The following DST variants were observed in gnomAD, a reference collection of about 807,000 sequenced individuals.
The protein encoded by DST is dystonin.
A neutral mutation model predicts 875.2 loss-of-function variants in DST; 253 were observed. That is an observed-to-expected ratio of 0.29 (90% CI 0.26 to 0.32). DST has a LOEUF of 0.32. Ranked by LOEUF, DST falls within the 10% of genes least tolerant of loss-of-function variation. DST has a pLI of 1.00. For synonymous variants in DST, 3,124 were observed against 3,197.1 expected (o/e 0.98, Z 0.77); for missense variants, 8,287 against 9,111.6 (o/e 0.91, Z 3.68).
intron 9 of DST, chr6:56,692,285 CA>C: frequency 3.6e-6 from 2 of 555,836 alleles, no homozygotes; most frequent in Non-Finnish European, 5.4e-6. Context: ...CTTTTACATA[CA>C]CTAATATGAA....
chr6:56,696,263 A>G (rs1045682243), intron 9 of DST, among the ~76,000 whole-genome samples: 2 of 152,156 alleles, frequency 1.3e-5, no homozygotes, highest in Non-Finnish European at 2.9e-5. Context: ...CCTGGGTTCA[A>G]GTGATTCTCC....
At chr6:56,527,393 G>T in intron 68 of DST, 100 bp downstream of exon 68, 1 of 1,412,610 alleles carries the variant, frequency 7.1e-7, no homozygotes, top group South Asian at 1.5e-5. Context: ...GCATCCTTCA[G>T]CATATGTAAT....
intron 3 of DST, 66 bp from the exon 4 acceptor site, chr6:56,851,670 A>G (rs1765312574): frequency 1.3e-6 from 2 of 1,563,590 alleles, no homozygotes; most frequent in African/African-American, 1.4e-5. Context: ...TGATTTAAAC[A>G]TCTCCCCCAC....
chr6:56,945,498 G>A (rs1818949068), intron 2 of DST, among the ~76,000 whole-genome samples: 2 of 152,186 alleles, frequency 1.3e-5, no homozygotes, highest in Non-Finnish European at 2.9e-5. Context: ...AAAGACTGAT[G>A]ATTCAGTTTT....
At chr6:56,516,500 T>C (rs772139367) in intron 71 of DST, among the ~76,000 whole-genome samples, 1 of 152,190 alleles carries the variant, frequency 6.6e-6, no homozygotes, top group Non-Finnish European at 1.5e-5. Flanking sequence ...CATCCTATTA[T>C]TTTATCTGTG....
rs767479674 is a variant in DST, at chr6:56,609,282, T to G, written c.5346A>C (p.Gln1782His). The G allele has an allele frequency of 6.2e-7, 1 of 1,613,594 alleles. No homozygotes were observed. Among genetic ancestry groups the G allele is most frequent in the Admixed American group, 1.7e-5 (1 of 59,984 alleles). Residue 1782 changes from glutamine to histidine, a missense_variant, in exon 40 of 104, where the codon CAA (glutamine) becomes CAC (histidine). Physicochemically the swap from Gln to His is conservative, Grantham distance 24 (BLOSUM62 0). Around this residue, in one of 10 missense-constraint regions of DST, gnomAD observed 3,138 missense variants for 3,116.6 expected, o/e 1.01. Coordinates refer to ENST00000680361, the MANE Select transcript of DST (RefSeq NM_001374736.1). Reference protein sequence around the residue: ...QTTGEVLSVFQAVLRGLIDYD... With the variant: ...QTTGEVLSVFHAVLRGLIDYD... ...AGTCAATGAGGCCTCTTAAAACTGC[T>G]TGAAAGACTGAAAGGACTTCTCCAG...
rs201690182 is a variant in DST, at chr6:56,482,072, C to T, written c.21509G>A (p.Arg7170Gln). ...CACTTTATGCTGATCAATGAGAGTC[C>T]GGAGAGCATCCTCATCATCTGGGAG... Reference protein sequence around the residue: ...GVLPDDEDALRTLIDQHKEFM... With the variant: ...GVLPDDEDALQTLIDQHKEFM... The change falls in exon 90 of 104, where the codon CGG becomes CAG. Residue 7170 changes from arginine to glutamine, a missense_variant. Physicochemically the swap from Arg to Gln is conservative, Grantham distance 43. Around this residue, in one of 10 missense-constraint regions of DST, gnomAD observed 1,292 missense variants for 1,552.7 expected, o/e 0.83. Transcript: ENST00000680361. 252 of 1,613,394 alleles carry T rather than the reference C, an allele frequency of 1.6e-4. 2 individuals are homozygous for T. Among genetic ancestry groups the T allele is most frequent in the Non-Finnish European group, 2.0e-4 (232 of 1,179,744 alleles).
intron 69 of DST, among the ~76,000 whole-genome samples, chr6:56,522,955 A>G (rs950766518): frequency 3.9e-5 from 6 of 152,156 alleles, no homozygotes; most frequent in African/African-American, 1.4e-4. Context: ...GCTTGTAGAA[A>G]GAAAGCAACA....
intron 49 of DST, among the ~76,000 whole-genome samples, chr6:56,582,701 C>T (rs1379871322): frequency 6.6e-6 from 1 of 151,530 alleles, no homozygotes; most frequent in Non-Finnish European, 1.5e-5. Context: ...CCCATTAACT[C>T]GTCATTTAGC....
intron 4 of DST, among the ~76,000 whole-genome samples, chr6:56,773,268 C>G (rs2099671071): frequency 6.6e-6 from 1 of 152,000 alleles, no homozygotes; most frequent in African/African-American, 2.4e-5. Context: ...GTAACAGATA[C>G]AGTCATCTTT....
At position 56,634,491 on chromosome 6, in the gene DST, T is replaced by G. The variant is rs753729332; in HGVS notation, c.3465A>C (p.Pro1155=). ...VPSVCFTVPP[P]NKEAVDLANR... ...TGGCAAGGTCCACCGCTTCTTTGTTTGGTGGAGGAACGGTGAAGCACACAG... is the reference window on the plus strand; with the variant it reads ...TGGCAAGGTCCACCGCTTCTTTGTTGGGTGGAGGAACGGTGAAGCACACAG... The change falls in exon 26 of 104, where the codon CCA becomes CCC. Residue 1155 remains proline, a synonymous_variant. Coordinates refer to ENST00000680361, the MANE Select transcript of DST (RefSeq NM_001374736.1). 1 of 1,614,196 alleles carries G rather than the reference T, an allele frequency of 6.2e-7. No homozygotes were observed. Among genetic ancestry groups the G allele is most frequent in the South Asian group, 1.1e-5 (1 of 91,074 alleles).
intron 4 of DST, among the ~76,000 whole-genome samples, chr6:56,793,287 C>G (rs2099734549): frequency 6.6e-6 from 1 of 151,744 alleles, no homozygotes; most frequent in Non-Finnish European, 1.5e-5. Flanking sequence ...AAGAGGATGT[C>G]CTTATTCTGA....
At chr6:56,680,778 C>A (rs537158938) in intron 9 of DST, among the ~76,000 whole-genome samples, 205 of 152,276 alleles carry the variant, frequency 1.3e-3, no homozygotes, top group African/African-American at 4.6e-3. Flanking sequence ...CTTTAACTGC[C>A]ACCTTGACAG....
rs528372361 is a variant in DST at position 56,620,660 on chromosome 6, C to T, written c.4929+3870G>A. On this transcript the variant is annotated intron_variant, in intron 36 of 103. Transcript: ENST00000680361. ...ATTCTCAAGCACTGTTGCCTTCTGA[C>T]GCTGAAGCAGATCTGAATATGCCCC... is the stretch of plus-strand genomic sequence containing the variant. 3.7e-6 allele frequency: 6 copies of T among 1,614,124 alleles called. No individual in the cohort carries two copies. Among genetic ancestry groups the T allele is most frequent in the East Asian group, 2.2e-5 (1 of 44,884 alleles).
At chr6:56,861,864 A>T (rs1416345862) in intron 3 of DST, 2 of 152,170 alleles carry the variant, frequency 1.3e-5, no homozygotes, top group African/African-American at 4.8e-5. Flanking sequence ...AGGTGGAAGA[A>T]ATGGGGAACA....
At chr6:56,505,312 G>C (rs2096274244) in intron 77 of DST, among the ~76,000 whole-genome samples, 1 of 152,134 alleles carries the variant, frequency 6.6e-6, no homozygotes, top group Admixed American at 6.5e-5. Flanking sequence ...AGCCATGGTG[G>C]CTTGCGTGTG....
At chr6:56,516,135 GA>G (rs2096582751) in intron 71 of DST, among the ~76,000 whole-genome samples, 1 of 18,366 alleles carries the variant, frequency 5.4e-5, no homozygotes, top group Non-Finnish European at 1.7e-4. Flanking sequence ...GAGAGAGGGA[GA>G]GAGAGAGAGA....
chr6:56,675,069 C>T lies in DST; in HGVS notation c.1048-4262G>A, dbSNP rs115637257. On this transcript the variant is annotated intron_variant, in intron 9 of 103. Transcript: ENST00000680361. ...TGGTACTGACACGAAAACAGACAGACCAGTGGAACAACAGAGAGCCCAGAA... is the reference window on the plus strand; with the variant it reads ...TGGTACTGACACGAAAACAGACAGATCAGTGGAACAACAGAGAGCCCAGAA... Among the ~76,000 whole-genome samples the T allele has an allele frequency of 1.0e-2, 1,517 of 152,230 alleles. 24 individuals are homozygous for T. Among genetic ancestry groups the T allele is most frequent in the African/African-American group, 0.034 (1,422 of 41,538 alleles).
chr6:56,498,094 C>T, intron 80 of DST, 41 bp from the exon 81 acceptor site: 1 of 1,548,602 alleles, frequency 6.5e-7, no homozygotes, highest in East Asian at 2.3e-5. Context: ...TAGTTTGTAA[C>T]ATGTTAATAT....
Sources: gnomAD v4.1 joint callset for allele counts (sites outside exome capture counted in the v4.1 genomes callset) on GRCh38, gnomAD v4.1.1 for gene constraint, gnomAD v4.1.1 regional missense constraint, MANE v1.5 for transcripts, NCBI Gene and HGNC (gene_info 2026-07-23, HGNC 2026-07-21) for gene names.